The following NUP205 variants were observed in gnomAD, a reference collection of about 807,000 sequenced individuals.
NUP205 encodes the protein nuclear pore complex protein Nup205.
A neutral mutation model predicts 253.8 loss-of-function variants in NUP205; 76 were observed. The observed-to-expected ratio is 0.30, with a 90% CI of 0.25 to 0.36. The LOEUF is 0.36. Among genes scored for constraint, NUP205 ranks in the 10% least tolerant of loss-of-function variants. The pLI, the probability that NUP205 is intolerant of heterozygous loss-of-function variation, is 1.00. For missense variants in NUP205, 2,162 were observed against 2,425.5 expected, an observed-to-expected ratio of 0.89 and a Z score of 2.28; for synonymous variants, 832 against 850.1, an observed-to-expected ratio of 0.98 and a Z score of 0.37.
intron 25 of NUP205, 124 bp from the exon 26 acceptor site, chr7:135,616,966 A>G: frequency 1.4e-6 from 1 of 709,074 alleles, no homozygotes; most frequent in Non-Finnish European, 2.3e-6. Flanking sequence ...TACAGTTTTC[A>G]GTTTCTTGAC....
intron 28 of NUP205, 78 bp from the exon 29 acceptor site, chr7:135,619,342 CAAA>C: frequency 2.7e-6 from 3 of 1,110,262 alleles, no homozygotes; most frequent in South Asian, 1.8e-5. Context: ...ACCCTGTCTT[CAAA>C]AAAAAAAAGC....
At position 135,648,487 on chromosome 7, in the gene NUP205, A is replaced by G. The variant is rs745547676; in HGVS notation, c.5970A>G (p.Arg1990=). The G allele has an allele frequency of 6.2e-7, 1 of 1,607,732 alleles. No individual in the cohort carries two copies. Among genetic ancestry groups the G allele is most frequent in the Admixed American group, 1.7e-5 (1 of 58,198 alleles). The stretch of plus-strand genomic sequence containing the variant: ...TTGAAGGATTATATTCAAAAGTTCG[A>G]TCTCGATATAGTTTCATACAGGCTC... ...LDIEGLYSKV[R]SRYSFIQALV... Residue 1990 remains arginine (R), a synonymous_variant, in exon 43 of 43, where the codon CGA becomes CGG. Transcript: ENST00000285968.
chr7:135,607,516 A>G, intron 22 of NUP205, 145 bp downstream of exon 22: 2 of 901,058 alleles, frequency 2.2e-6, no homozygotes, highest in Non-Finnish European at 3.2e-6. Context: ...TTTGTGGATA[A>G]AATCCGTAAA....
rs116973577 is a variant in NUP205, at chr7:135,611,045, G to A, written c.3196-3114G>A. Among the ~76,000 whole-genome samples, 1,096 of 146,860 alleles carry A rather than the reference G, an allele frequency of 7.5e-3. 4 individuals are homozygous for A. The highest frequency in any genetic ancestry group is 0.018 in the Middle Eastern group (5 of 280). ...GTGGGGGACAGAGTCTTGCTCTGTC[G>A]CCTTGCCTGGAGTGCAGTGGTGTGG... On this transcript the variant is annotated intron_variant, in intron 22 of 42. Coordinates refer to ENST00000285968, the MANE Select transcript of NUP205 (RefSeq NM_015135.3).
In NUP205 at chr7:135,619,794, T is replaced by C; in HGVS notation, c.4236T>C (p.Gly1412=). The change falls in exon 30 of 43, where the codon GGT becomes GGC. Residue 1412 remains glycine (G), a synonymous_variant. Transcript: ENST00000285968. ...ACATCTTCCTAATCTCCCTAGGTGG[T>C]GGATTCCAACGAGTGAGGACTCACT... ...KLLDFILKTG[G]GFQRVRTHLY... 1 of 1,610,778 alleles carries C rather than the reference T, an allele frequency of 6.2e-7. No individual in the cohort carries two copies. Among genetic ancestry groups the C allele is most frequent in the Non-Finnish European group, 8.5e-7 (1 of 1,178,474 alleles).
At chr7:135,578,242 A>C (rs1430524926) in intron 6 of NUP205, among the ~76,000 whole-genome samples, 1 of 152,222 alleles carries the variant, frequency 6.6e-6, no homozygotes, top group Non-Finnish European at 1.5e-5. Flanking sequence ...TGGAATGGAA[A>C]GTATTAAAGC....
chr7:135,630,327 C>T lies in NUP205; in HGVS notation c.4933-17C>T, dbSNP rs1387638953. 1 of 1,533,856 alleles carries T rather than the reference C, an allele frequency of 6.5e-7. No homozygotes were observed. ...TCTACCTGTTTTTTCTATTCCTCTT[C>T]CTTTTCAATGGCTTAGGTATTGCAG... On this transcript the variant is annotated splice_polypyrimidine_tract_variant and intron_variant, in intron 34 of 42. Coordinates refer to ENST00000285968, the MANE Select transcript of NUP205 (RefSeq NM_015135.3).
intron 35 of NUP205, among the ~76,000 whole-genome samples, chr7:135,631,736 T>C (rs909479058): frequency 8.8e-5 from 13 of 147,586 alleles, no homozygotes; most frequent in Middle Eastern, 3.3e-3. Context: ...GTATTTTTTT[T>C]TTTCTTTCTT....
Position 135,638,623 on chromosome 7 carries a change from G to A in NUP205, c.5332G>A (p.Ala1778Thr), listed in dbSNP as rs1403018234. The change falls in exon 38 of 43, where the codon GCT becomes ACT. Residue 1778 changes from alanine (A) to threonine (T), a missense_variant. Physicochemically the swap from Ala to Thr is moderately conservative, Grantham distance 58 (BLOSUM62 0). Around this residue, in one of 5 missense-constraint regions of NUP205, gnomAD observed 1,144 missense variants for 1,280.9 expected, o/e 0.89. Transcript: ENST00000285968. ...ACAGAGTTCCCCTACCTTCCAGCAT[G>A]CTGTGTGTCTCTTCACTCCTAGCCT... ...MLQSSPTFQH[A>T]VCLFTPSLSE... The A allele has an allele frequency of 1.9e-6, 3 of 1,613,844 alleles. No individual in the cohort carries two copies. The highest frequency in any genetic ancestry group is 2.5e-6 in the Non-Finnish European group (3 of 1,179,902).
At chr7:135,622,683 T>TC in intron 30 of NUP205, 94 bp from the exon 31 acceptor site, 2 of 1,180,366 alleles carry the variant, frequency 1.7e-6, no homozygotes, top group Non-Finnish European at 2.4e-6. Flanking sequence ...TTTTTTTTTT[T>TC]CTTCCTTAGC....
chr7:135,646,883 C>T (rs55889179), intron 42 of NUP205, among the ~76,000 whole-genome samples: 24,591 of 152,080 alleles, frequency 0.16, 2,203 homozygotes, highest in East Asian at 0.24. Context: ...GTAAGCATTC[C>T]GTGATTGGTA....
At chr7:135,604,073 C>T (rs1446357782) in intron 18 of NUP205, among the ~76,000 whole-genome samples, 6 of 152,136 alleles carry the variant, frequency 3.9e-5, no homozygotes, top group South Asian at 2.1e-4. Context: ...TTAATGACCT[C>T]GTCTGAACTC....
rs77867339 is a variant in NUP205, at chr7:135,584,146, A to G, written c.1043-686A>G. On this transcript the variant is annotated intron_variant, in intron 7 of 42. Coordinates refer to ENST00000285968, the MANE Select transcript of NUP205 (RefSeq NM_015135.3). ...GTATATTTTTGAGTTGTACACTGCA[A>G]ATACTTACTGGTAAAATGTTAAATT... is the stretch of plus-strand genomic sequence containing the variant. Among the ~76,000 whole-genome samples, 427 of 152,254 alleles carry G rather than the reference A, an allele frequency of 2.8e-3. 9 individuals are homozygous for G. The East Asian group carries it at 0.05, about 18-fold the overall frequency.
intron 36 of NUP205, among the ~76,000 whole-genome samples, chr7:135,637,148 C>CTAAG (rs1178013059): frequency 1.3e-5 from 2 of 152,188 alleles, no homozygotes; most frequent in Admixed American, 1.3e-4. Context: ...GAACATTGTG[C>CTAAG]TAAGCACTTT....
chr7:135,626,190 C>T lies in NUP205; in HGVS notation c.4672-50C>T, dbSNP rs1221365213. On this transcript the variant is annotated intron_variant, in intron 32 of 42. Coordinates refer to ENST00000285968, the MANE Select transcript of NUP205 (RefSeq NM_015135.3). Reference sequence around the variant, plus strand: ...CAAAGTGTTGCACTTTTCTCTGAGGCCCTTGGACATGATTTCAGCACTGAT... The same window carrying T: ...CAAAGTGTTGCACTTTTCTCTGAGGTCCTTGGACATGATTTCAGCACTGAT... 4.4e-6 allele frequency: 7 copies of T among 1,607,726 alleles called. No homozygotes were observed. In the South Asian group the frequency reaches 7.8e-5, roughly 18 times the overall value.
intron 41 of NUP205, 115 bp downstream of exon 41, chr7:135,645,711 CAA>C (rs1386813304): frequency 1.4e-5 from 14 of 1,020,442 alleles, no homozygotes; most frequent in Non-Finnish European, 1.9e-5. Flanking sequence ...TTGGGTGAAT[CAA>C]GAGCTGTTTA....
At chr7:135,579,157 A>G (rs1199447680) in intron 7 of NUP205, among the ~76,000 whole-genome samples, 1 of 151,958 alleles carries the variant, frequency 6.6e-6, no homozygotes, top group African/African-American at 2.4e-5. Flanking sequence ...TTTTACCTTC[A>G]GGGTATGAGT....
At chr7:135,645,387 T>C in intron 40 of NUP205, 81 bp from the exon 41 acceptor site, 1 of 1,431,732 alleles carries the variant, frequency 7.0e-7, no homozygotes, top group East Asian at 2.3e-5. Context: ...GTGCAGTCTG[T>C]CCTTTTTTCT....
At chr7:135,577,641 G>A (rs1806186841) in intron 5 of NUP205, among the ~76,000 whole-genome samples, 155 bp from the exon 6 acceptor site, 1 of 152,180 alleles carries the variant, frequency 6.6e-6, no homozygotes, top group Non-Finnish European at 1.5e-5. Flanking sequence ...ATAAACAATA[G>A]GGTTTGTTCA....
Sources: allele counts gnomAD v4.1 joint callset (sites outside exome capture counted in the v4.1 genomes callset), GRCh38; gene constraint gnomAD v4.1.1; regional missense constraint gnomAD v4.1.1; transcripts MANE v1.5; gene names NCBI Gene and HGNC (gene_info 2026-07-23, HGNC 2026-07-21).